Variants in SYNRG observed in about 807,000 individuals in gnomAD.
SYNRG encodes synergin gamma.
Under a neutral mutation model 130.9 loss-of-function variants are expected in SYNRG, and 37 were observed. That is an observed-to-expected ratio of 0.28 (90% CI 0.22 to 0.37). The LOEUF (loss-of-function observed/expected upper bound fraction) is 0.37, where lower values mean the gene tolerates loss of function less well. Among genes scored for constraint, SYNRG ranks in the 10% least tolerant of loss-of-function variants. SYNRG has a pLI of 1.00. For missense variants in SYNRG, 1,338 were observed against 1,588.9 expected (o/e 0.84, Z 2.68); for synonymous variants, 539 against 568.1 (o/e 0.95, Z 0.73).
chr17:37,597,771 C>T (rs1360525891), intron 2 of SYNRG, among the ~76,000 whole-genome samples: 1 of 152,164 alleles, frequency 6.6e-6, no homozygotes, highest in Non-Finnish European at 1.5e-5. Flanking sequence ...AGGCATAGTT[C>T]TATGTGCTTG....
intron 19 of SYNRG, among the ~76,000 whole-genome samples, chr17:37,535,671 G>A (rs2057120759): frequency 6.6e-6 from 1 of 152,224 alleles, no homozygotes; most frequent in African/African-American, 2.4e-5. Flanking sequence ...AACTAGAAGT[G>A]CAAAGGGAGT....
chr17:37,560,756 C>T (rs915897108), intron 13 of SYNRG, among the ~76,000 whole-genome samples: 1 of 151,772 alleles, frequency 6.6e-6, no homozygotes, highest in Non-Finnish European at 1.5e-5. Flanking sequence ...CAACCTCTGC[C>T]TGGGTTCAAG....
Position 37,584,779 on chromosome 17 carries a change from T to C in SYNRG, c.478-20A>G. 6.4e-7 allele frequency: 1 copy of C among 1,566,616 alleles called. No individual in the cohort carries two copies. Among genetic ancestry groups the C allele is most frequent in the Non-Finnish European group, 8.8e-7 (1 of 1,139,408 alleles). On this transcript the variant is annotated intron_variant, in intron 5 of 21. Coordinates refer to ENST00000612223, the MANE Select transcript of SYNRG (RefSeq NM_007247.6). ...TCCTGTCTAAGAGACAACAAATATA[T>C]GCGTATTTCTTTACTTATCCCTCAC...
intron 6 of SYNRG, chr17:37,579,277 G>T (rs937471323): frequency 7.7e-7 from 1 of 1,303,226 alleles, no homozygotes; most frequent in Admixed American, 2.3e-5. Flanking sequence ...GGCCAAGTGG[G>T]GTGGAGGGGT....
chr17:37,543,287 T>C (rs2057943971), intron 14 of SYNRG, among the ~76,000 whole-genome samples: 1 of 152,066 alleles, frequency 6.6e-6, no homozygotes, highest in Non-Finnish European at 1.5e-5. Flanking sequence ...TGGGCTCCAC[T>C]TTTTCCTTCA....
chr17:37,538,173 G>T, intron 18 of SYNRG, 151 bp downstream of exon 18: 1 of 564,372 alleles, frequency 1.8e-6, no homozygotes, highest in Non-Finnish European at 3.1e-6. Context: ...ATAGTTTACT[G>T]CCTGTAGCTT....
intron 13 of SYNRG, among the ~76,000 whole-genome samples, chr17:37,559,353 T>C (rs2059353691): frequency 6.6e-6 from 1 of 152,034 alleles, no homozygotes. Context: ...CAAATAATAA[T>C]GGTACCAAGT....
intron 11 of SYNRG, among the ~76,000 whole-genome samples, chr17:37,564,343 T>C (rs979324969): frequency 6.6e-6 from 1 of 152,230 alleles, no homozygotes; most frequent in Non-Finnish European, 1.5e-5. Context: ...ACACCGAGTC[T>C]AGCCAATTTC....
intron 19 of SYNRG, among the ~76,000 whole-genome samples, chr17:37,533,367 C>G (rs1598134876): frequency 1.3e-5 from 2 of 151,678 alleles, no homozygotes; most frequent in Non-Finnish European, 2.9e-5. Flanking sequence ...CACCACTTCC[C>G]TCCAGCCTGG....
At chr17:37,554,419 G>C (rs748459330) in intron 13 of SYNRG, among the ~76,000 whole-genome samples, 7 of 152,056 alleles carry the variant, frequency 4.6e-5, no homozygotes, top group Non-Finnish European at 7.3e-5. Context: ...ATAAGAAATA[G>C]GGCTAGAGGT....
At position 37,570,862 on chromosome 17, in the gene SYNRG, A is replaced by G. The variant is rs780904030; in HGVS notation, c.1122T>C (p.Pro374=). 1.3e-5 allele frequency: 21 copies of G among 1,614,098 alleles called. No individual in the cohort carries two copies. The South Asian group carries it at 2.2e-4, about 17-fold the overall frequency. Residue 374 remains proline (P), a synonymous_variant, in exon 10 of 22, where the codon CCT becomes CCC. Transcript: ENST00000612223. ...CTGCTGGGAACTGGTTTAAAGCATCAGGACTCATTGCAGGAACGCCCCTCT... is the reference window on the plus strand; with the variant it reads ...CTGCTGGGAACTGGTTTAAAGCATCGGGACTCATTGCAGGAACGCCCCTCT... The part of the protein sequence containing the change: ...VTQRGVPAMS[P]DALNQFPAAP...
intron 1 of SYNRG, among the ~76,000 whole-genome samples, chr17:37,604,861 T>A (rs1235842157): frequency 6.6e-6 from 1 of 152,150 alleles, no homozygotes; most frequent in East Asian, 1.9e-4. Flanking sequence ...TGGAGGCCCT[T>A]GGAGAGGAAG....
intron 19 of SYNRG, among the ~76,000 whole-genome samples, chr17:37,524,325 C>A (rs1293309924): frequency 6.6e-6 from 1 of 152,186 alleles, no homozygotes; most frequent in Non-Finnish European, 1.5e-5. Flanking sequence ...AAAAAGATTT[C>A]TCCTTATAAA....
At chr17:37,544,580 G>A (rs2058098910) in intron 14 of SYNRG, among the ~76,000 whole-genome samples, 1 of 152,140 alleles carries the variant, frequency 6.6e-6, no homozygotes, top group African/African-American at 2.4e-5. Flanking sequence ...CTCCCAAAGT[G>A]CTGGAATTAC....
At chr17:37,522,903 T>A (rs1357574211) in intron 19 of SYNRG, among the ~76,000 whole-genome samples, 1 of 152,102 alleles carries the variant, frequency 6.6e-6, no homozygotes. Context: ...CCTCCCAAAG[T>A]GCTGGGATTA....
intron 3 of SYNRG, among the ~76,000 whole-genome samples, chr17:37,589,890 G>C (rs980701470): frequency 1.3e-5 from 2 of 152,044 alleles, no homozygotes; most frequent in African/African-American, 4.8e-5. Flanking sequence ...GAAAAGACAG[G>C]CCGGGCGCAT....
intron 19 of SYNRG, among the ~76,000 whole-genome samples, chr17:37,534,738 T>C (rs1184668452): frequency 2.0e-5 from 3 of 152,138 alleles, no homozygotes; most frequent in African/African-American, 7.2e-5. Context: ...TTAAAGACTT[T>C]AATATTACAA....
At chr17:37,605,997 G>T (rs2063713634) in intron 1 of SYNRG, 1 of 985,402 alleles carries the variant, frequency 1.0e-6, no homozygotes, top group Non-Finnish European at 1.2e-6. Context: ...CTTTCTAAAT[G>T]ATGGACCATT....
At chr17:37,584,848 T>C in intron 5 of SYNRG, 89 bp from the exon 6 acceptor site, 2 of 968,270 alleles carry the variant, frequency 2.1e-6, no homozygotes, top group Non-Finnish European at 3.1e-6. Flanking sequence ...CAGATATTCA[T>C]CTATTTCCAA....
Sources: gnomAD v4.1 joint callset for allele counts (sites outside exome capture counted in the v4.1 genomes callset) on GRCh38, gnomAD v4.1.1 for gene constraint, MANE v1.5 for transcripts, NCBI Gene and HGNC (gene_info 2026-07-23, HGNC 2026-07-21) for gene names.